The following LY96 variants were observed in gnomAD, a reference collection of about 807,000 sequenced individuals.
LY96 encodes the protein lymphocyte antigen 96.
LY96 carries 18 observed loss-of-function variants against 18.9 expected under a neutral mutation model. The observed-to-expected ratio is 0.95, with a 90% CI of 0.66 to 1.41. The LOEUF (loss-of-function observed/expected upper bound fraction) is 1.41. Ranked by LOEUF, LY96 falls within the 40% of genes most tolerant of loss-of-function variation. The pLI is 0.00. For missense variants in LY96, 175 were observed against 182.4 expected (o/e 0.96, Z 0.23); for synonymous variants, 66 against 62.6 (o/e 1.06, Z -0.26).
intron 3 of LY96, among the ~76,000 whole-genome samples, chr8:74,021,410 G>C (rs1326664463): frequency 6.6e-6 from 1 of 152,232 alleles, no homozygotes; most frequent in African/African-American, 2.4e-5. Flanking sequence ...TTGTTAAAAA[G>C]TCAAGAAACA....
chr8:74,005,258 T>G (rs1406508190), intron 2 of LY96, among the ~76,000 whole-genome samples: 1 of 152,208 alleles, frequency 6.6e-6, no homozygotes, highest in East Asian at 1.9e-4. Context: ...CCTTACCACA[T>G]GGGCATTTTC....
the LY96 span, among the ~76,000 whole-genome samples, chr8:74,050,064 C>T: frequency 3.3e-5 from 5 of 152,018 alleles, no homozygotes; most frequent in East Asian, 5.8e-4. Context: ...AAAGTATGAC[C>T]GGGCATGGTG....
chr8:74,045,713 G>A, the LY96 span, among the ~76,000 whole-genome samples: 1 of 152,088 alleles, frequency 6.6e-6, no homozygotes, highest in Admixed American at 6.5e-5. Context: ...GTCAAGGGTG[G>A]GGGAACCAGG....
At chr8:74,029,578 G>A (rs1017702336), downstream of LY96, among the ~76,000 whole-genome samples, 6 of 152,106 alleles carry the variant, frequency 3.9e-5, no homozygotes, top group South Asian at 2.1e-4. Context: ...AGAAGGACGC[G>A]TTTGCTTCCC....
At chr8:74,072,661 T>A in the LY96 span, among the ~76,000 whole-genome samples, 1 of 152,180 alleles carries the variant, frequency 6.6e-6, no homozygotes. Context: ...CCTCCTGAAA[T>A]AATGCCAATC....
chr8:74,002,012 TTCCTTC>T (rs1563710567), intron 1 of LY96, among the ~76,000 whole-genome samples: 444 of 9,818 alleles, frequency 0.045, 93 homozygotes, highest in Middle Eastern at 0.1. Context: ...CCTTTCTTCC[TTCCTTC>T]CTTCCTTCCT....
intron 3 of LY96, among the ~76,000 whole-genome samples, chr8:74,014,788 A>C (rs1031811055): frequency 6.6e-6 from 1 of 151,246 alleles, no homozygotes; most frequent in African/African-American, 2.4e-5. Context: ...TATAAAGTAA[A>C]AGTTACCCAT....
downstream of LY96, chr8:74,029,131 A>T (rs1816927594): frequency 2.5e-6 from 2 of 788,608 alleles, no homozygotes; most frequent in South Asian, 1.5e-5. Flanking sequence ...TTTTAATCAG[A>T]TATGGTAGGA....
At chr8:73,998,072 C>T (rs1448664109) in intron 1 of LY96, among the ~76,000 whole-genome samples, 1 of 152,146 alleles carries the variant, frequency 6.6e-6, no homozygotes, top group African/African-American at 2.4e-5. Context: ...CCAAGCTTCT[C>T]ATCATGGCTT....
intron 3 of LY96, among the ~76,000 whole-genome samples, chr8:74,025,569 G>A (rs1816852114): frequency 6.6e-6 from 1 of 150,930 alleles, no homozygotes; most frequent in African/African-American, 2.4e-5. Flanking sequence ...GCAGGAGAAT[G>A]GCGTGAACCC....
At chr8:74,085,514 G>A in the LY96 span, among the ~76,000 whole-genome samples, 2 of 152,144 alleles carry the variant, frequency 1.3e-5, no homozygotes, top group Admixed American at 6.6e-5. Flanking sequence ...ATTTGTCACC[G>A]GAGTGTCATT....
At chr8:74,030,490 C>T (rs537437323), downstream of LY96, among the ~76,000 whole-genome samples, 7 of 152,220 alleles carry the variant, frequency 4.6e-5, no homozygotes, top group East Asian at 3.9e-4. Context: ...TCCAGCCTGG[C>T]GACAGAAGTG....
At chr8:74,081,704 A>G in the LY96 span, among the ~76,000 whole-genome samples, 5 of 151,838 alleles carry the variant, frequency 3.3e-5, no homozygotes, top group Non-Finnish European at 7.4e-5. Context: ...CCCAGGCTGG[A>G]GTGCAGTGGC....
chr8:74,081,749 G>C, the LY96 span, among the ~76,000 whole-genome samples: 2 of 152,016 alleles, frequency 1.3e-5, no homozygotes, highest in Non-Finnish European at 1.5e-5. Flanking sequence ...TGCCTCCTGG[G>C]TTCAAGAGAT....
the LY96 span, among the ~76,000 whole-genome samples, chr8:74,087,515 C>T: frequency 6.6e-6 from 1 of 152,198 alleles, no homozygotes; most frequent in African/African-American, 2.4e-5. Context: ...CCCGGGGTCC[C>T]ACCTGAGAGA....
At chr8:74,060,104 G>A in the LY96 span, among the ~76,000 whole-genome samples, 1 of 152,198 alleles carries the variant, frequency 6.6e-6, no homozygotes, top group East Asian at 1.9e-4. Context: ...CCAGGATCAT[G>A]CCACTGCACT....
chr8:74,049,141 G>C, the LY96 span, among the ~76,000 whole-genome samples: 1 of 152,156 alleles, frequency 6.6e-6, no homozygotes, highest in Non-Finnish European at 1.5e-5. Context: ...CTCCACAAGA[G>C]CAGGAACCGT....
chr8:74,064,513 A>G, the LY96 span, among the ~76,000 whole-genome samples: 1 of 152,158 alleles, frequency 6.6e-6, no homozygotes, highest in Non-Finnish European at 1.5e-5. Flanking sequence ...CAACTTTAAG[A>G]TTCAGAGAGC....
chr8:74,083,784 C>T, the LY96 span, among the ~76,000 whole-genome samples: 6,759 of 152,078 alleles, frequency 0.044, 280 homozygotes, highest in African/African-American at 0.11. Context: ...CTTGACCTCT[C>T]GGGCTGGAGT....
Sources: allele counts gnomAD v4.1 joint callset (sites outside exome capture counted in the v4.1 genomes callset), GRCh38; gene constraint gnomAD v4.1.1; transcripts MANE v1.5; gene names NCBI Gene and HGNC (gene_info 2026-07-23, HGNC 2026-07-21).